The following CSMD2 variants were observed in gnomAD, a reference collection of about 807,000 sequenced individuals.
CSMD2 encodes the protein CUB and Sushi multiple domains 2.
A neutral mutation model predicts 398.5 loss-of-function variants in CSMD2; 130 were observed. The ratio of observed to expected loss-of-function variants is 0.33; its 90% confidence interval spans 0.28 to 0.38. CSMD2 has a LOEUF of 0.38. Ranked by LOEUF, CSMD2 falls within the 10% of genes least tolerant of loss-of-function variation. The pLI, the probability that CSMD2 is intolerant of heterozygous loss-of-function variation, is 1.00. For synonymous variants in CSMD2, 1,828 were observed against 1,908.5 expected, an observed-to-expected ratio of 0.96 and a Z score of 1.10; for missense variants, 3,829 against 4,764.9, an observed-to-expected ratio of 0.80 and a Z score of 5.78.
chr1:33,910,168 T>G (rs139982592), intron 5 of CSMD2, among the ~76,000 whole-genome samples: 1 of 152,344 alleles, frequency 6.6e-6, no homozygotes, highest in East Asian at 1.9e-4. Flanking sequence ...TTATTTTACT[T>G]CCCTGCTTAA....
rs138376289 is a variant in CSMD2 at position 33,847,972 on chromosome 1, C to T, written c.921-976G>A. Among the ~76,000 whole-genome samples, 12 of 152,328 alleles carry T rather than the reference C, an allele frequency of 7.9e-5. No individual in the cohort carries two copies. In the East Asian group the frequency reaches 2.3e-3, roughly 29 times the overall value. ...TTGATTTCCAGCTTCTAACACCATA[C>T]TGGACACAAAGTAGGCATTTCAGGG... On this transcript the variant is annotated intron_variant, in intron 5 of 70. Coordinates refer to ENST00000373381, the MANE Select transcript of CSMD2 (RefSeq NM_001281956.2).
chr1:34,151,420 C>G (rs986779398), intron 1 of CSMD2, among the ~76,000 whole-genome samples: 3 of 152,012 alleles, frequency 2.0e-5, no homozygotes, highest in African/African-American at 7.2e-5. Flanking sequence ...AGGGGAGGGT[C>G]CTGGCTGGGG....
At chr1:34,140,757 G>A (rs1202713588) in intron 1 of CSMD2, among the ~76,000 whole-genome samples, 1 of 152,126 alleles carries the variant, frequency 6.6e-6, no homozygotes, top group East Asian at 1.9e-4. Flanking sequence ...TGAGAATATA[G>A]AACAGAGAAC....
chr1:33,616,201 C>T (rs184363919), intron 39 of CSMD2, among the ~76,000 whole-genome samples: 111 of 152,188 alleles, frequency 7.3e-4, no homozygotes, highest in Middle Eastern at 6.8e-3. Context: ...GTCCTTGTTT[C>T]GCACGTAGCC....
intron 2 of CSMD2, among the ~76,000 whole-genome samples, chr1:34,076,928 A>AAAAAAAATATATAT (rs1232288848): frequency 5.6e-5 from 3 of 53,600 alleles, no homozygotes; most frequent in African/African-American, 8.6e-5. Context: ...AAAAAAAAAA[A>AAAAAAAATATATAT]ATATATATAT....
chr1:33,893,282 C>A (rs1642163453), intron 5 of CSMD2, among the ~76,000 whole-genome samples: 1 of 152,194 alleles, frequency 6.6e-6, no homozygotes, highest in Non-Finnish European at 1.5e-5. Flanking sequence ...CAATTTTTGG[C>A]ACTATTCTAT....
At chr1:33,937,281 C>T (rs143867243) in intron 3 of CSMD2, among the ~76,000 whole-genome samples, 1,667 of 152,238 alleles carry the variant, frequency 0.011, 83 homozygotes, top group Admixed American at 0.091. Flanking sequence ...CCAAACCCAG[C>T]TGGGGGAGAG....
chr1:34,152,652 T>C (rs2148559441), intron 1 of CSMD2, among the ~76,000 whole-genome samples: 1 of 152,322 alleles, frequency 6.6e-6, no homozygotes, highest in East Asian at 1.9e-4. Context: ...AACATCCTTC[T>C]CTGGGAGCTT....
At chr1:33,616,010 C>A (rs977327725) in intron 39 of CSMD2, among the ~76,000 whole-genome samples, 2 of 152,186 alleles carry the variant, frequency 1.3e-5, no homozygotes, top group African/African-American at 4.8e-5. Context: ...TGGTACCTCC[C>A]CTGCAGGGCT....
chr1:34,115,884 C>T (rs993269137), intron 1 of CSMD2, among the ~76,000 whole-genome samples: 11 of 151,902 alleles, frequency 7.2e-5, no homozygotes, highest in Admixed American at 3.3e-4. Flanking sequence ...CAGTCTAAGA[C>T]ATATTATTAT....
chr1:34,095,661 A>C (rs1239562888), intron 1 of CSMD2, among the ~76,000 whole-genome samples: 3 of 151,932 alleles, frequency 2.0e-5, no homozygotes, highest in Non-Finnish European at 2.9e-5. Context: ...AAAATCTAGA[A>C]GAAATGGATA....
chr1:34,067,933 C>T (rs1432839499), intron 2 of CSMD2, among the ~76,000 whole-genome samples: 2 of 152,180 alleles, frequency 1.3e-5, no homozygotes, highest in Non-Finnish European at 2.9e-5. Context: ...GGCACATCCC[C>T]AGGTAAAGAA....
chr1:33,725,610 C>G, intron 16 of CSMD2, 74 bp from the exon 17 acceptor site: 3 of 1,416,292 alleles, frequency 2.1e-6, no homozygotes, highest in Non-Finnish European at 2.0e-6. Context: ...AAAGCCCTGC[C>G]TGACCCAGGG....
chr1:33,733,534 G>A (rs901222004), intron 15 of CSMD2, among the ~76,000 whole-genome samples: 4 of 152,164 alleles, frequency 2.6e-5, no homozygotes, highest in Non-Finnish European at 2.9e-5. Flanking sequence ...ATGTTGATAT[G>A]GTTGGGCTCT....
intron 15 of CSMD2, among the ~76,000 whole-genome samples, chr1:33,735,602 G>A (rs993108998): frequency 3.9e-5 from 6 of 152,154 alleles, no homozygotes; most frequent in African/African-American, 7.2e-5. Flanking sequence ...CCACACAGTC[G>A]AAAATACTTC....
At chr1:33,586,982 G>T in intron 45 of CSMD2, 106 bp downstream of exon 45, 1 of 799,508 alleles carries the variant, frequency 1.3e-6, no homozygotes, top group Non-Finnish European at 2.0e-6. Flanking sequence ...TCTCTCCACA[G>T]ACAGGAGCAG....
intron 3 of CSMD2, among the ~76,000 whole-genome samples, chr1:33,969,484 A>T (rs1187263172): frequency 6.6e-6 from 1 of 152,168 alleles, no homozygotes; most frequent in African/African-American, 2.4e-5. Context: ...GAGATTTTGA[A>T]ATTATTTATT....
intron 13 of CSMD2, among the ~76,000 whole-genome samples, chr1:33,761,876 C>T (rs571017026): frequency 5.9e-5 from 9 of 152,274 alleles, no homozygotes; most frequent in African/African-American, 1.9e-4. Flanking sequence ...GAGCTCCCTG[C>T]AAGACCATGG....
chr1:33,947,287 G>C (rs1644868300), intron 3 of CSMD2, among the ~76,000 whole-genome samples: 1 of 152,132 alleles, frequency 6.6e-6, no homozygotes, highest in Non-Finnish European at 1.5e-5. Context: ...GCCCTGCTCT[G>C]GGCCAGGCTC....
Sources: allele counts gnomAD v4.1 joint callset (sites outside exome capture counted in the v4.1 genomes callset), GRCh38; gene constraint gnomAD v4.1.1; transcripts MANE v1.5; gene names NCBI Gene and HGNC (gene_info 2026-07-23, HGNC 2026-07-21).